The following CALD1 variants were observed in gnomAD, a reference collection of about 807,000 sequenced individuals.
The protein encoded by CALD1 is caldesmon 1, also known as caldesmon.
A neutral mutation model predicts 99.9 loss-of-function variants in CALD1; 33 were observed. The observed-to-expected ratio is 0.33, with a 90% CI of 0.25 to 0.44. CALD1 has a LOEUF of 0.44. Ranked by LOEUF, CALD1 falls within the 20% of genes least tolerant of loss-of-function variation. The pLI, the probability that CALD1 is intolerant of heterozygous loss-of-function variation, is 1.00. For missense variants in CALD1, 861 were observed against 962.1 expected (o/e 0.89, Z 1.39); for synonymous variants, 310 against 325.0 (o/e 0.95, Z 0.50).
chr7:134,767,583 T>C (rs186796771), intron 1 of CALD1, among the ~76,000 whole-genome samples: 3 of 152,376 alleles, frequency 2.0e-5, no homozygotes, highest in Admixed American at 6.5e-5. Flanking sequence ...GAAGTGTGTG[T>C]TTTCTGGTTA....
chr7:134,840,681 C>G (rs73724874), intron 1 of CALD1, among the ~76,000 whole-genome samples: 5,734 of 152,288 alleles, frequency 0.038, 337 homozygotes, highest in African/African-American at 0.13. Context: ...GCAGCTATGG[C>G]TGCTCCATGT....
At chr7:134,734,636 C>G in the CALD1 span, among the ~76,000 whole-genome samples, 15 of 152,038 alleles carry the variant, frequency 9.9e-5, no homozygotes, top group Non-Finnish European at 2.1e-4. Context: ...CTTTTGTTTC[C>G]CGAGCTGTTC....
Position 134,933,495 on chromosome 7 carries a change from G to A in CALD1, c.726G>A (p.Glu242=). 1.9e-6 allele frequency: 3 copies of A among 1,613,970 alleles called. No individual in the cohort carries two copies. Among genetic ancestry groups the A allele is most frequent in the Non-Finnish European group, 2.5e-6 (3 of 1,179,986 alleles). The change falls in exon 5 of 15, where the codon GAG becomes GAA. Residue 242 remains glutamate (E), a synonymous_variant. Transcript: ENST00000361675. ...GTTCAGAAGAGCCTAAACAAGAGGA[G>A]GAGAGGGAACAAGGTTCAGATGAGA... ...QISSEEPKQE[E]EREQGSDEIS...
intron 3 of CALD1, among the ~76,000 whole-genome samples, chr7:134,911,596 A>C (rs1306034922): frequency 6.6e-6 from 1 of 152,240 alleles, no homozygotes; most frequent in Non-Finnish European, 1.5e-5. Flanking sequence ...TGTTCTGTAT[A>C]TGACACTAAA....
At chr7:134,866,169 G>A (rs1240244976) in intron 2 of CALD1, among the ~76,000 whole-genome samples, 4 of 152,294 alleles carry the variant, frequency 2.6e-5, no homozygotes, top group East Asian at 1.9e-4. Context: ...GCCCTGGGAT[G>A]CCCTCTTAGG....
chr7:134,819,877 A>AAAAAC (rs765932725), intron 1 of CALD1, among the ~76,000 whole-genome samples: 16 of 134,424 alleles, frequency 1.2e-4, no homozygotes, highest in African/African-American at 3.8e-4. Context: ...ATCCCATCTC[A>AAAAAC]AAAACAAAAC....
chr7:134,933,738 G>T lies in CALD1; in HGVS notation c.969G>T (p.Arg323Ser). ...AAAGGATGAGGGAGGAAGAGAAAAG[G>T]GCAGCAGAGGAGAGGCAGAGGATAA... ...ERERMREEEK[R>S]AAEERQRIKE... Residue 323 changes from arginine (R) to serine (S), a missense_variant, in exon 5 of 15, where the codon AGG (arginine) becomes AGT (serine). Physicochemically the swap from Arg to Ser is moderately radical, Grantham distance 110 (BLOSUM62 -1). Around this residue, in one of 5 missense-constraint regions of CALD1, gnomAD observed 234 missense variants for 233.1 expected, o/e 1.00. Transcript: ENST00000361675. The T allele has an allele frequency of 1.3e-6, 2 of 1,556,400 alleles. No homozygotes were observed. The highest frequency in any genetic ancestry group is 1.7e-6 in the Non-Finnish European group (2 of 1,149,684).
At chr7:134,768,691 A>G (rs1383525443) in intron 1 of CALD1, among the ~76,000 whole-genome samples, 2 of 152,222 alleles carry the variant, frequency 1.3e-5, no homozygotes, top group African/African-American at 4.8e-5. Context: ...AAAAAAAACA[A>G]AACAACAAAA....
intron 3 of CALD1, among the ~76,000 whole-genome samples, chr7:134,900,602 C>G (rs1390845572): frequency 1.3e-5 from 2 of 152,008 alleles, no homozygotes; most frequent in African/African-American, 2.4e-5. Context: ...AACTGGGGCC[C>G]GATATGCTGA....
intron 7 of CALD1, among the ~76,000 whole-genome samples, chr7:134,942,013 G>C (rs2133067518): frequency 6.6e-6 from 1 of 152,262 alleles, no homozygotes; most frequent in South Asian, 2.1e-4. Flanking sequence ...AGAAGAACTT[G>C]AGGTGCAGAC....
At chr7:134,840,072 G>A (rs753252293) in intron 1 of CALD1, among the ~76,000 whole-genome samples, 1 of 151,952 alleles carries the variant, frequency 6.6e-6, no homozygotes, top group South Asian at 2.1e-4. Context: ...TAGTTTTAAT[G>A]CAACACAAGT....
intron 1 of CALD1, among the ~76,000 whole-genome samples, chr7:134,832,897 A>G (rs963955356): frequency 8.5e-5 from 13 of 152,128 alleles, no homozygotes; most frequent in Non-Finnish European, 1.6e-4. Flanking sequence ...ATTCACAGTT[A>G]TTTGTTTTTT....
At chr7:134,887,428 G>A (rs1254220510) in intron 3 of CALD1, among the ~76,000 whole-genome samples, 1 of 152,180 alleles carries the variant, frequency 6.6e-6, no homozygotes, top group East Asian at 1.9e-4. Flanking sequence ...AGTTCTAAGA[G>A]TACAGAGCCT....
At chr7:134,862,972 G>A (rs560690653) in intron 2 of CALD1, among the ~76,000 whole-genome samples, 31 of 152,126 alleles carry the variant, frequency 2.0e-4, no homozygotes, top group Non-Finnish European at 3.4e-4. Context: ...TCAGCTTTCT[G>A]GTGGCCTTAG....
intron 1 of CALD1, among the ~76,000 whole-genome samples, chr7:134,797,550 C>T (rs1306609035): frequency 6.6e-6 from 1 of 152,192 alleles, no homozygotes; most frequent in Non-Finnish European, 1.5e-5. Context: ...AGCAACTGTG[C>T]TTGCAGCCAG....
intron 8 of CALD1, 185 bp downstream of exon 8, chr7:134,947,954 C>A (rs1807032928): frequency 1.5e-6 from 1 of 652,578 alleles, no homozygotes; most frequent in African/African-American, 1.8e-5. Context: ...AACTCGCTGA[C>A]CTAGGTACTA....
chr7:134,824,670 C>T (rs1209151016), intron 1 of CALD1, among the ~76,000 whole-genome samples: 2 of 152,112 alleles, frequency 1.3e-5, no homozygotes, highest in African/African-American at 4.8e-5. Context: ...ATGTTTGGGA[C>T]ATTAAATAGA....
At chr7:134,947,823 C>T (rs1344444204) in intron 8 of CALD1, 54 bp downstream of exon 8, 8 of 1,566,894 alleles carry the variant, frequency 5.1e-6, no homozygotes, top group South Asian at 3.5e-5. Flanking sequence ...TCCCTAGTGC[C>T]GTGCGGCTGT....
chr7:134,918,100 A>G (rs1214802696), intron 3 of CALD1, among the ~76,000 whole-genome samples: 6 of 152,250 alleles, frequency 3.9e-5, no homozygotes, highest in African/African-American at 1.4e-4. Flanking sequence ...AGTTTATCTT[A>G]GGAAACTGTC....
Sources: gnomAD v4.1 joint callset for allele counts (sites outside exome capture counted in the v4.1 genomes callset) on GRCh38, gnomAD v4.1.1 for gene constraint, gnomAD v4.1.1 regional missense constraint, MANE v1.5 for transcripts, NCBI Gene and HGNC (gene_info 2026-07-23, HGNC 2026-07-21) for gene names.